Variants in ANK2 observed in about 807,000 individuals in gnomAD.
ANK2 encodes ankyrin 2.
Under a neutral mutation model 360.5 loss-of-function variants are expected in ANK2, and 83 were observed. The observed-to-expected ratio is 0.23, with a 90% CI of 0.19 to 0.28. The LOEUF is 0.28. Among genes scored for constraint, ANK2 ranks in the 10% least tolerant of loss-of-function variants. ANK2 has a pLI of 1.00. For synonymous variants in ANK2, 1,740 were observed against 1,759.5 expected (o/e 0.99, Z 0.28); for missense variants, 4,201 against 4,795.7 (o/e 0.88, Z 3.66).
At chr4:113,072,765 TGCTG>T (rs2078148840) in intron 1 of ANK2, among the ~76,000 whole-genome samples, 140 of 121,198 alleles carry the variant, frequency 1.2e-3, no homozygotes, top group East Asian at 2.3e-3. Context: ...TTTTTTTTTT[TGCTG>T]TCTTGTCTCT....
the ANK2 span, among the ~76,000 whole-genome samples, chr4:112,758,879 T>TG: frequency 2.6e-5 from 4 of 152,156 alleles, no homozygotes; most frequent in Non-Finnish European, 5.9e-5. Context: ...GTGGCCACTT[T>TG]GGGGATGAGG....
the ANK2 span, among the ~76,000 whole-genome samples, chr4:112,768,120 G>A: frequency 2.6e-5 from 4 of 152,080 alleles, no homozygotes; most frequent in African/African-American, 9.7e-5. Context: ...ATGAGGGGGT[G>A]TTTCACTTTA....
intron 42 of ANK2, among the ~76,000 whole-genome samples, chr4:113,368,171 G>A (rs1167039917): frequency 2.6e-5 from 4 of 152,188 alleles, no homozygotes; most frequent in African/African-American, 9.7e-5. Context: ...GGTCAAAAGT[G>A]TGTTTATGAA....
intron 43 of ANK2, among the ~76,000 whole-genome samples, chr4:113,370,525 TG>T (rs2096696670): frequency 6.6e-6 from 1 of 151,986 alleles, no homozygotes; most frequent in South Asian, 2.1e-4. Flanking sequence ...TTTGGGAGGC[TG>T]AGGCGGGTGG....
chr4:113,156,447 T>G (rs1404708080), intron 1 of ANK2, among the ~76,000 whole-genome samples: 1 of 147,700 alleles, frequency 6.8e-6, no homozygotes, highest in Non-Finnish European at 1.5e-5. Flanking sequence ...CACGACTCAC[T>G]GCAACCTCCG....
At chr4:113,326,720 G>T (rs1005298718) in intron 26 of ANK2, among the ~76,000 whole-genome samples, 1 of 151,918 alleles carries the variant, frequency 6.6e-6, no homozygotes, top group Non-Finnish European at 1.5e-5. Context: ...ATTTAATTTA[G>T]GCCAGGCACA....
chr4:112,949,932 A>G (rs1231076937), intron 2 of ANK2, among the ~76,000 whole-genome samples: 3 of 152,240 alleles, frequency 2.0e-5, no homozygotes, highest in Non-Finnish European at 2.9e-5. Flanking sequence ...AAATATAAAT[A>G]TGAGAAAAAT....
rs75216890 is a variant in ANK2 at position 113,243,880 on chromosome 4, G to T, written c.891+1671G>T. On this transcript the variant is annotated intron_variant, in intron 9 of 45. Coordinates refer to ENST00000357077, the MANE Select transcript of ANK2 (RefSeq NM_001148.6). ...GGAAATGCAAAAAAATTTTTATCTT[G>T]GCCAATGTCTTAAGGATGCACATTG... is the stretch of plus-strand genomic sequence containing the variant. Among the ~76,000 whole-genome samples, 871 of 152,042 alleles carry T rather than the reference G, an allele frequency of 5.7e-3. 8 individuals carry two copies. The highest frequency in any genetic ancestry group is 0.02 in the African/African-American group (825 of 41,460).
the ANK2 span, among the ~76,000 whole-genome samples, chr4:112,721,685 T>C: frequency 6.6e-6 from 1 of 151,972 alleles, no homozygotes; most frequent in Non-Finnish European, 1.5e-5. Flanking sequence ...AAGTTATTGC[T>C]CTTTTCAAAG....
At chr4:112,975,456 T>C (rs1239886631) in intron 2 of ANK2, among the ~76,000 whole-genome samples, 2 of 152,232 alleles carry the variant, frequency 1.3e-5, no homozygotes, top group Non-Finnish European at 2.9e-5. Flanking sequence ...AAAAACATTT[T>C]GGAAAATATT....
rs1315574689 is a variant in ANK2 at position 113,369,772 on chromosome 4, T to C, written c.11577T>C (p.Cys3859=). The part of the protein sequence containing the change: ...VESADNQPET[C]ERLDEDAAFE... ...CTGCCGATAACCAGCCTGAGACCTGTGAAAGACTCGATGAAGATGCAGCTT... is the reference window on the plus strand; with the variant it reads ...CTGCCGATAACCAGCCTGAGACCTGCGAAAGACTCGATGAAGATGCAGCTT... Residue 3859 remains cysteine (C), a synonymous_variant, in exon 43 of 46, where the codon TGT becomes TGC. Coordinates refer to ENST00000357077, the MANE Select transcript of ANK2 (RefSeq NM_001148.6). 2 of 1,614,076 alleles carry C rather than the reference T, an allele frequency of 1.2e-6. No individual in the cohort carries two copies. The highest frequency in any genetic ancestry group is 3.3e-5 in the Admixed American group (2 of 60,012).
intron 4 of ANK2, among the ~76,000 whole-genome samples, chr4:113,224,300 G>A (rs948374032): frequency 5.3e-5 from 8 of 152,220 alleles, no homozygotes; most frequent in African/African-American, 1.9e-4. Context: ...ATTCCTTTAT[G>A]TAACAAATAT....
At chr4:113,099,976 A>C (rs1246654050) in intron 1 of ANK2, among the ~76,000 whole-genome samples, 2 of 152,126 alleles carry the variant, frequency 1.3e-5, no homozygotes, top group African/African-American at 2.4e-5. Flanking sequence ...AAGTGATGCA[A>C]AATGGATCAA....
chr4:112,830,574 A>G (rs898952708), intron 1 of ANK2, among the ~76,000 whole-genome samples: 4 of 152,300 alleles, frequency 2.6e-5, no homozygotes, highest in Middle Eastern at 3.4e-3. Context: ...GGGTAACAAA[A>G]TAATCTATAC....
intron 2 of ANK2, among the ~76,000 whole-genome samples, chr4:112,909,943 T>C (rs761299992): frequency 6.6e-6 from 1 of 152,260 alleles, no homozygotes; most frequent in African/African-American, 2.4e-5. Flanking sequence ...TTCTCTATTA[T>C]AGTTACTATG....
intron 1 of ANK2, among the ~76,000 whole-genome samples, chr4:113,128,593 G>T (rs1422472109): frequency 6.6e-6 from 1 of 152,108 alleles, no homozygotes; most frequent in Non-Finnish European, 1.5e-5. Context: ...GGGTTAAAGC[G>T]ATTCTCCTGC....
chr4:112,783,189 G>A, the ANK2 span, among the ~76,000 whole-genome samples: 415 of 152,338 alleles, frequency 2.7e-3, 3 homozygotes, highest in African/African-American at 9.7e-3. Flanking sequence ...GATTATAGGC[G>A]TGAGCCACCT....
chr4:113,258,375 G>A lies in ANK2; in HGVS notation c.1350G>A (p.Leu450=). The change falls in exon 13 of 46, where the codon CTG becomes CTA. Residue 450 remains leucine (L), a synonymous_variant. Transcript: ENST00000357077. ...FMGHLNIVLL[L]LQNGASPDVT... ...GCCACTTGAACATTGTCCTCCTTCT[G>A]CTGCAGAACGGAGCCTCTCCAGATG... The A allele has an allele frequency of 6.2e-7, 1 of 1,614,146 alleles. No homozygotes were observed. Among genetic ancestry groups the A allele is most frequent in the Non-Finnish European group, 8.5e-7 (1 of 1,180,020 alleles).
At chr4:113,085,698 A>G (rs1481143884) in intron 1 of ANK2, among the ~76,000 whole-genome samples, 1 of 152,232 alleles carries the variant, frequency 6.6e-6, no homozygotes, top group East Asian at 1.9e-4. Flanking sequence ...AAAGTCTTCA[A>G]TTATTTGAAG....
Sources: gnomAD v4.1 joint callset for allele counts (sites outside exome capture counted in the v4.1 genomes callset) on GRCh38, gnomAD v4.1.1 for gene constraint, MANE v1.5 for transcripts, NCBI Gene and HGNC (gene_info 2026-07-23, HGNC 2026-07-21) for gene names.